PTGER2: variants seen among roughly 807,000 people sequenced by gnomAD.
The protein encoded by PTGER2 is prostaglandin E2 receptor EP2 subtype.
PTGER2 carries 22 observed loss-of-function variants against 26.2 expected under a neutral mutation model. The ratio of observed to expected loss-of-function variants is 0.84; its 90% CI spans 0.60 to 1.20. PTGER2 has a LOEUF of 1.20. Ranked by LOEUF, PTGER2 falls within the 50% of genes most tolerant of loss-of-function variation. PTGER2 has a pLI of 0.00. For synonymous variants in PTGER2, 219 were observed against 208.9 expected (o/e 1.05, Z -0.42); for missense variants, 458 against 475.2 (o/e 0.96, Z 0.34).
At position 52,327,312 on chromosome 14, in the gene PTGER2, C is replaced by T. The variant is rs766922269; in HGVS notation, c.935C>T (p.Pro312Leu). ...RFLSINSIID[P>L]WVFAILRPPV... ...TTATCAATTAATTCAATAATTGACC[C>T]TTGGGTCTTTGCCATCCTTAGGCCT... Residue 312 changes from proline (P) to leucine (L), a missense_variant, in exon 2 of 2, where the codon CCT becomes CTT. Coordinates refer to ENST00000245457, the MANE Select transcript of PTGER2 (RefSeq NM_000956.4). The T allele has an allele frequency of 3.1e-6, 5 of 1,613,252 alleles. No individual in the cohort carries two copies. The highest frequency in any genetic ancestry group is 1.3e-5 in the African/African-American group (1 of 74,902).
At position 52,314,401 on chromosome 14, in the gene PTGER2, G is replaced by T; in HGVS notation, c.-148G>T. ...GGCGGGAGACCCAGGGCAAGCCGCC[G>T]TCGGCGCGCTGGGTGCGGGAAGGGG... is the stretch of plus-strand genomic sequence containing the variant. On this transcript the variant is annotated 5_prime_UTR_variant, in exon 1 of 2. Transcript: ENST00000245457. This position sits in a 1 kb window ranked among gnomAD's most constrained non-coding sequence, Gnocchi z 5.7. 1 of 1,004,792 alleles carries T rather than the reference G, an allele frequency of 1.0e-6. No individual in the cohort carries two copies. The highest frequency in any genetic ancestry group is 1.3e-6 in the Non-Finnish European group (1 of 773,656). The allele number at this position is 1,004,792 out of a possible 1,614,324, so 62.2% of individuals were successfully genotyped here.
chr14:52,322,849 G>A (rs932793308), intron 1 of PTGER2, among the ~76,000 whole-genome samples: 5 of 152,052 alleles, frequency 3.3e-5, no homozygotes, highest in South Asian at 2.1e-4. Flanking sequence ...TATTTTGCCC[G>A]ACCCCACAGC....
chr14:52,325,101 T>C (rs2033936116), intron 1 of PTGER2, among the ~76,000 whole-genome samples: 1 of 151,990 alleles, frequency 6.6e-6, no homozygotes, highest in East Asian at 1.9e-4. Flanking sequence ...ATCACGCCAC[T>C]GCACTCTATC....
chr14:52,314,893 C>G lies in PTGER2; in HGVS notation c.345C>G (p.Ala115=). ...GCGCGTGCACCTACTTCGCTTTCGCCATGACCTTCTTCAGCCTGGCCACGA... is the reference window on the plus strand; with the variant it reads ...GCGCGTGCACCTACTTCGCTTTCGCGATGACCTTCTTCAGCCTGGCCACGA... ...ESRACTYFAF[A]MTFFSLATML... The change falls in exon 1 of 2, where the codon GCC becomes GCG. Residue 115 remains alanine, a synonymous_variant. Transcript: ENST00000245457. The surrounding 1 kb of genome is among the most constrained non-coding windows in gnomAD (Gnocchi z 5.7). 6.2e-7 allele frequency: 1 copy of G among 1,612,982 alleles called. No homozygotes were observed. The highest frequency in any genetic ancestry group is 8.5e-7 in the Non-Finnish European group (1 of 1,179,902).
In PTGER2 at chr14:52,314,712, G is replaced by A. The variant is rs1465164147; in HGVS notation, c.164G>A (p.Gly55Glu). The change falls in exon 1 of 2, where the codon GGG becomes GAG. Residue 55 changes from glycine (G) to glutamate (E), a missense_variant. Gly to Glu is a moderately conservative substitution (Grantham distance 98). Coordinates refer to ENST00000245457, the MANE Select transcript of PTGER2 (RefSeq NM_000956.4). This position sits in a 1 kb window ranked among gnomAD's most constrained non-coding sequence, Gnocchi z 5.7. Reference sequence around the variant, plus strand: ...GCGCGCCGCTGGCGGGGGGACGTGGGGTGCAGCGCCGGCCGCAGGAGCTCC... The same window carrying A: ...GCGCGCCGCTGGCGGGGGGACGTGGAGTGCAGCGCCGGCCGCAGGAGCTCC... ...LLARRWRGDV[G>E]CSAGRRSSLS... is the part of the protein sequence containing the mutation. 1 of 1,565,124 alleles carries A rather than the reference G, an allele frequency of 6.4e-7. No individual in the cohort carries two copies. The highest frequency in any genetic ancestry group is 1.2e-5 in the South Asian group (1 of 85,414).
chr14:52,324,855 C>T (rs1261627983), intron 1 of PTGER2, among the ~76,000 whole-genome samples: 1 of 151,966 alleles, frequency 6.6e-6, no homozygotes, highest in Non-Finnish European at 1.5e-5. Context: ...AAAGAAGGAA[C>T]TGGCTGGGCG....
intron 1 of PTGER2, among the ~76,000 whole-genome samples, chr14:52,323,981 T>C (rs2033923824): frequency 6.6e-6 from 1 of 152,228 alleles, no homozygotes; most frequent in Admixed American, 6.5e-5. Flanking sequence ...AATTATCTTA[T>C]ATCCTTTGTG....
In PTGER2 at chr14:52,327,418, TAC is replaced by T; in HGVS notation, c.1045_1046del (p.Gln349ValfsTer5). Reference sequence around the variant, plus strand: ...AAGATGCAACACAAACTTCCTGTTCTACACAGTCAGATGCCAGTAAACAGGCT... The same window carrying T: ...AAGATGCAACACAAACTTCCTGTTCTACAGTCAGATGCCAGTAAACAGGCT... The part of the protein sequence containing the change: ...TQDATQTSCS[T>X]QSDASKQADL On this transcript the variant is annotated frameshift_variant, in exon 2 of 2. Transcript: ENST00000245457. LOFTEE classifies it high-confidence loss of function. 1 of 1,613,028 alleles carries T rather than the reference TAC, an allele frequency of 6.2e-7. No homozygotes were observed. The highest frequency in any genetic ancestry group is 8.5e-7 in the Non-Finnish European group (1 of 1,179,050).
chr14:52,315,109 C>A lies in PTGER2; in HGVS notation c.561C>A (p.Cys187Ter). Residue 187 changes from cysteine (C) to a stop codon, truncating the protein, a stop_gained, in exon 1 of 2, where the codon TGC becomes TGA. Transcript: ENST00000245457. LOFTEE classifies it high-confidence loss of function. ...QYVQYCPGTWCFIRHGRTAYL... is the reference protein window; with the variant it reads ...QYVQYCPGTW ...TCCAGTACTGCCCCGGGACCTGGTG[C>A]TTCATCCGGCACGGGCGGACCGCTT... is the stretch of plus-strand genomic sequence containing the variant. The A allele has an allele frequency of 6.2e-7, 1 of 1,610,612 alleles. No individual in the cohort carries two copies. The highest frequency in any genetic ancestry group is 8.5e-7 in the Non-Finnish European group (1 of 1,179,936).
At chr14:52,320,617 C>A (rs1428544234) in intron 1 of PTGER2, among the ~76,000 whole-genome samples, 1 of 152,234 alleles carries the variant, frequency 6.6e-6, no homozygotes. Flanking sequence ...GCAACTCAGT[C>A]TGCTCAGTTG....
At position 52,318,973 on chromosome 14, in the gene PTGER2, C is replaced by T. The variant is rs573798022; in HGVS notation, c.843+3582C>T. 1.8e-3 allele frequency among the ~76,000 whole-genome samples: 272 copies of T among 152,318 alleles called. No individual in the cohort carries two copies. The Middle Eastern group carries it at 0.02, about 11-fold the overall frequency. ...GATGATTTCTATCGTACAGACGAGG[C>T]AAATGACTCACCCTGTGTCCCACAG... is the stretch of plus-strand genomic sequence containing the variant. On this transcript the variant is annotated intron_variant, in intron 1 of 1. Transcript: ENST00000245457.
rs2033972854 is a variant in PTGER2, at chr14:52,328,330, T to G, written c.*876T>G. On this transcript the variant is annotated 3_prime_UTR_variant, in exon 2 of 2. Coordinates refer to ENST00000245457, the MANE Select transcript of PTGER2 (RefSeq NM_000956.4). ...CAGATATACTGGAACCCTTTTAAAG[T>G]TGATATTGGGGCCATGAGTAAAATA... 6.5e-6 allele frequency: 1 copy of G among 152,672 alleles called. No homozygotes were observed. The highest frequency in any genetic ancestry group is 1.5e-5 in the Non-Finnish European group (1 of 68,032). 9.5% of individuals were successfully genotyped at this position (152,672 alleles called of 1,614,324 possible).
intron 1 of PTGER2, among the ~76,000 whole-genome samples, chr14:52,325,557 C>T (rs1209372255): frequency 6.6e-6 from 1 of 152,192 alleles, no homozygotes. Flanking sequence ...ATCTGTAGAC[C>T]TATGTGCATC....
At position 52,328,096 on chromosome 14, in the gene PTGER2, G is replaced by C. The variant is rs1175357059; in HGVS notation, c.*642G>C. On this transcript the variant is annotated 3_prime_UTR_variant, in exon 2 of 2. Transcript: ENST00000245457. ...TCCTCCAGGAACTGCAGGTCAAGTT[G>C]TCAGGTTATTTATTTTATAATGTCC... The C allele has an allele frequency of 6.6e-6, 1 of 152,518 alleles. No individual in the cohort carries two copies. The highest frequency in any genetic ancestry group is 2.4e-5 in the African/African-American group (1 of 41,448). The allele number at this position is 152,518 out of a possible 1,614,324, so 9.4% of individuals were successfully genotyped here. A position where few individuals can be genotyped will look rare whatever the true frequency, so the allele number is the denominator to read the frequency against.
At chr14:52,322,007 C>T (rs1035322919) in intron 1 of PTGER2, among the ~76,000 whole-genome samples, 6 of 152,084 alleles carry the variant, frequency 3.9e-5, no homozygotes, top group African/African-American at 1.4e-4. Flanking sequence ...TGTCTCACAC[C>T]CTGGCTGCAT....
At chr14:52,317,898 T>C (rs902308058) in intron 1 of PTGER2, among the ~76,000 whole-genome samples, 79 of 152,366 alleles carry the variant, frequency 5.2e-4, no homozygotes, top group African/African-American at 1.9e-3. Flanking sequence ...AAAATTTATA[T>C]TGACCACTGA....
At chr14:52,316,687 G>A (rs1481009644) in intron 1 of PTGER2, among the ~76,000 whole-genome samples, 2 of 152,146 alleles carry the variant, frequency 1.3e-5, no homozygotes, top group Non-Finnish European at 2.9e-5. Flanking sequence ...GGGTCCCAAA[G>A]GTCTGAATAT....
Position 52,327,751 on chromosome 14 carries a change from A to G in PTGER2, c.*297A>G. 3.2e-6 allele frequency: 1 copy of G among 310,282 alleles called. No homozygotes were observed. The highest frequency in any genetic ancestry group is 6.0e-6 in the Non-Finnish European group (1 of 167,090). The allele number at this position is 310,282 out of a possible 1,614,324, so 19.2% of individuals were successfully genotyped here. A position where few individuals can be genotyped will look rare whatever the true frequency, so the allele number is the denominator to read the frequency against. ...ATTTAAGCTTTCCTGTTGAATGACA[A>G]AGTATGTGGTTTTGTAATTTGTTTG... is the stretch of plus-strand genomic sequence containing the variant. On this transcript the variant is annotated 3_prime_UTR_variant, in exon 2 of 2. Coordinates refer to ENST00000245457, the MANE Select transcript of PTGER2 (RefSeq NM_000956.4).
rs1272363054 is a variant in PTGER2, at chr14:52,314,709, T to G, written c.161T>G (p.Val54Gly). ...CTGGCGCGCCGCTGGCGGGGGGACG[T>G]GGGGTGCAGCGCCGGCCGCAGGAGC... ...ALLARRWRGD[V>G]GCSAGRRSSL... Residue 54 changes from valine (V) to glycine (G), a missense_variant, in exon 1 of 2, where the codon GTG (valine) becomes GGG (glycine). By Grantham distance (109) the Val-to-Gly change is moderately radical. Coordinates refer to ENST00000245457, the MANE Select transcript of PTGER2 (RefSeq NM_000956.4). This position sits in a 1 kb window ranked among gnomAD's most constrained non-coding sequence, Gnocchi z 5.7. 6.4e-7 allele frequency: 1 copy of G among 1,561,302 alleles called. No homozygotes were observed. The highest frequency in any genetic ancestry group is 1.8e-5 in the Admixed American group (1 of 54,708).
Sources: gnomAD v4.1 joint callset for allele counts (sites outside exome capture counted in the v4.1 genomes callset) on GRCh38, gnomAD v4.1.1 for gene constraint, Gnocchi (gnomAD v3.1) non-coding constraint, MANE v1.5 for transcripts, NCBI Gene and HGNC (gene_info 2026-07-23, HGNC 2026-07-21) for gene names.